The following ZBBX variants were observed in gnomAD, a reference collection of about 807,000 sequenced individuals.
ZBBX encodes the protein zinc finger B-box domain containing.
In ZBBX, 101 loss-of-function variants were observed where a neutral mutation model predicts 108.5. That is an observed-to-expected ratio of 0.93 (90% CI 0.79 to 1.10). ZBBX has a LOEUF of 1.10. Ranked by LOEUF, ZBBX falls within the 50% of genes least tolerant of loss-of-function variation. The pLI is 0.00. For synonymous variants in ZBBX, 356 were observed against 323.4 expected (o/e 1.10, Z -1.08); for missense variants, 1,009 against 941.4 (o/e 1.07, Z -0.94).
At chr3:167,346,581 A>G (rs1165426236) in intron 9 of ZBBX, among the ~76,000 whole-genome samples, 2 of 151,932 alleles carry the variant, frequency 1.3e-5, no homozygotes, top group African/African-American at 4.8e-5. Context: ...CCGTCAGCCT[A>G]GAATACTTGC....
chr3:167,266,775 GT>G (rs1244545801), intron 20 of ZBBX, among the ~76,000 whole-genome samples: 1 of 152,200 alleles, frequency 6.6e-6, no homozygotes, highest in Admixed American at 6.5e-5. Context: ...TTCGAGTGCT[GT>G]TTCTTTTGAG....
At chr3:167,310,764 C>T (rs1009897057) in intron 16 of ZBBX, among the ~76,000 whole-genome samples, 8 of 152,020 alleles carry the variant, frequency 5.3e-5, no homozygotes, top group African/African-American at 1.9e-4. Context: ...AACACAGAGC[C>T]AAGCCATATC....
chr3:167,181,053 G>T, the ZBBX span, among the ~76,000 whole-genome samples: 3,499 of 152,202 alleles, frequency 0.023, 55 homozygotes, highest in Non-Finnish European at 0.034. Context: ...AGTGGCTATT[G>T]TTCTATCCAA....
At chr3:167,325,849 TA>T (rs1272692383) in intron 11 of ZBBX, among the ~76,000 whole-genome samples, 1 of 151,966 alleles carries the variant, frequency 6.6e-6, no homozygotes, top group Non-Finnish European at 1.5e-5. Flanking sequence ...CAAATAACAG[TA>T]AAAAGCCAGT....
intron 20 of ZBBX, among the ~76,000 whole-genome samples, chr3:167,262,213 G>T (rs1032773075): frequency 6.6e-6 from 1 of 152,144 alleles, no homozygotes; most frequent in Non-Finnish European, 1.5e-5. Flanking sequence ...GGTCGGGGGG[G>T]GCGTCTCCCA....
intron 20 of ZBBX, among the ~76,000 whole-genome samples, chr3:167,272,076 T>G (rs187852580): frequency 3.3e-5 from 5 of 152,202 alleles, no homozygotes; most frequent in Admixed American, 2.6e-4. Flanking sequence ...GAATCAAACT[T>G]TAAAAAATCA....
intron 1 of ZBBX, among the ~76,000 whole-genome samples, chr3:167,398,461 G>A (rs1485072310): frequency 6.6e-6 from 1 of 151,840 alleles, no homozygotes; most frequent in African/African-American, 2.4e-5. Context: ...TATTCAGTCT[G>A]GATTTTTATG....
intron 20 of ZBBX, among the ~76,000 whole-genome samples, chr3:167,279,110 A>T (rs1490440499): frequency 5.3e-5 from 8 of 151,208 alleles, no homozygotes; most frequent in Non-Finnish European, 7.4e-5. Flanking sequence ...TCAAAATAAT[A>T]AGAGCTATCT....
chr3:167,255,299 T>C (rs1320924703), intron 20 of ZBBX, among the ~76,000 whole-genome samples: 1 of 152,022 alleles, frequency 6.6e-6, no homozygotes, highest in Non-Finnish European at 1.5e-5. Flanking sequence ...TAATGTGCCA[T>C]TCGGCAATAA....
chr3:167,267,617 A>C (rs1725775864), intron 20 of ZBBX, among the ~76,000 whole-genome samples: 1 of 152,180 alleles, frequency 6.6e-6, no homozygotes, highest in Admixed American at 6.5e-5. Context: ...TCAAGCCCTC[A>C]ATCTTCTGGC....
chr3:167,227,550 A>T, the ZBBX span, among the ~76,000 whole-genome samples: 1 of 151,608 alleles, frequency 6.6e-6, no homozygotes. Flanking sequence ...TCTTACTCAA[A>T]TCTAACCTTT....
At chr3:167,399,141 CACTT>C (rs887063020) in intron 1 of ZBBX, among the ~76,000 whole-genome samples, 4 of 151,962 alleles carry the variant, frequency 2.6e-5, no homozygotes, top group African/African-American at 9.7e-5. Flanking sequence ...AAAAAATTCT[CACTT>C]ACTCACTCAT....
At chr3:167,366,150 A>C (rs1309794505) in intron 5 of ZBBX, among the ~76,000 whole-genome samples, 174 bp from the exon 6 acceptor site, 2 of 151,892 alleles carry the variant, frequency 1.3e-5, no homozygotes, top group Non-Finnish European at 2.9e-5. Flanking sequence ...CAGTAATTTT[A>C]AAATGTAGCT....
chr3:167,222,351 A>T, the ZBBX span, among the ~76,000 whole-genome samples: 111 of 152,108 alleles, frequency 7.3e-4, 1 homozygote, highest in Middle Eastern at 6.8e-3. Flanking sequence ...ATGAGATCTA[A>T]AAATCAAAAC....
chr3:167,387,835 A>G (rs756385823), intron 1 of ZBBX, among the ~76,000 whole-genome samples: 4 of 152,018 alleles, frequency 2.6e-5, no homozygotes, highest in Non-Finnish European at 5.9e-5. Context: ...GAGGCTGAGG[A>G]GTGAAGGATG....
chr3:167,370,676 T>C (rs1282143856), intron 4 of ZBBX, among the ~76,000 whole-genome samples: 1 of 152,058 alleles, frequency 6.6e-6, no homozygotes, highest in Non-Finnish European at 1.5e-5. Context: ...AAACAGAGGA[T>C]TCCCCCTGGA....
At chr3:167,190,852 C>T in the ZBBX span, among the ~76,000 whole-genome samples, 25 of 152,248 alleles carry the variant, frequency 1.6e-4, no homozygotes, top group East Asian at 1.4e-3. Flanking sequence ...TTGAGGTGAA[C>T]TTAGGAATAT....
At chr3:167,314,193 C>A in intron 15 of ZBBX, 77 bp from the exon 16 acceptor site, 1 of 1,276,886 alleles carries the variant, frequency 7.8e-7, no homozygotes, top group South Asian at 1.8e-5. Context: ...AGTCCCAAGT[C>A]ATTAAAACAA....
At chr3:167,289,582 T>C (rs915609904) in intron 18 of ZBBX, among the ~76,000 whole-genome samples, 1 of 152,204 alleles carries the variant, frequency 6.6e-6, no homozygotes, top group Non-Finnish European at 1.5e-5. Context: ...TACTGTGCTT[T>C]TCCCGTGGTC....
Sources: gnomAD v4.1 joint callset for allele counts (sites outside exome capture counted in the v4.1 genomes callset) on GRCh38, gnomAD v4.1.1 for gene constraint, MANE v1.5 for transcripts, NCBI Gene and HGNC (gene_info 2026-07-23, HGNC 2026-07-21) for gene names.